CDKAL1: variants seen among roughly 807,000 people sequenced by gnomAD.
The protein encoded by CDKAL1 is CDKAL1 threonylcarbamoyladenosine tRNA methylthiotransferase, also known as threonylcarbamoyladenosine tRNA methylthiotransferase.
CDKAL1 carries 32 observed loss-of-function variants against 68.2 expected under a neutral mutation model. The observed-to-expected ratio is 0.47, with a 90% CI of 0.35 to 0.63. CDKAL1 has a LOEUF of 0.63. CDKAL1 is among the 30% of genes least tolerant of loss of function. The pLI, the probability that CDKAL1 is intolerant of heterozygous loss-of-function variation, is 0.00. For missense variants in CDKAL1, 606 were observed against 696.7 expected, an observed-to-expected ratio of 0.87 and a Z score of 1.47; for synonymous variants, 234 against 244.3, an observed-to-expected ratio of 0.96 and a Z score of 0.39.
chr6:20,762,970 T>G (rs959977400), intron 7 of CDKAL1, among the ~76,000 whole-genome samples: 1 of 152,188 alleles, frequency 6.6e-6, no homozygotes, highest in African/African-American at 2.4e-5. Context: ...CAGCCAACTG[T>G]GCTGCTTGAT....
chr6:20,934,217 G>A (rs543772611), intron 9 of CDKAL1, among the ~76,000 whole-genome samples: 1 of 152,198 alleles, frequency 6.6e-6, no homozygotes, highest in South Asian at 2.1e-4. Context: ...GGACTAGAGT[G>A]GATTTCATCT....
intron 8 of CDKAL1, among the ~76,000 whole-genome samples, chr6:20,812,090 T>C (rs1424785047): frequency 2.6e-5 from 4 of 152,202 alleles, no homozygotes; most frequent in Non-Finnish European, 4.4e-5. Context: ...CTTCATGTTT[T>C]AGTTGGAATT....
intron 9 of CDKAL1, among the ~76,000 whole-genome samples, chr6:20,951,885 G>A (rs1764540525): frequency 6.6e-6 from 1 of 151,712 alleles, no homozygotes; most frequent in African/African-American, 2.4e-5. Context: ...TATTTTTACA[G>A]GCATGGAAGT....
At chr6:20,898,614 G>A (rs528682250) in intron 9 of CDKAL1, among the ~76,000 whole-genome samples, 21 of 151,814 alleles carry the variant, frequency 1.4e-4, no homozygotes, top group Non-Finnish European at 2.2e-4. Context: ...ATGGAAACCC[G>A]GTCCCTCCTT....
chr6:20,614,573 C>G (rs1766798004), intron 4 of CDKAL1, among the ~76,000 whole-genome samples: 1 of 152,132 alleles, frequency 6.6e-6, no homozygotes, highest in South Asian at 2.1e-4. Context: ...TGAAAAAGTT[C>G]AAACGTACCC....
intron 9 of CDKAL1, among the ~76,000 whole-genome samples, chr6:20,885,293 A>G (rs572128767): frequency 4.9e-4 from 75 of 152,356 alleles, no homozygotes; most frequent in African/African-American, 1.7e-3. Context: ...ATGGTAATCA[A>G]ACCACCATGG....
At chr6:20,890,747 G>T (rs900683677) in intron 9 of CDKAL1, among the ~76,000 whole-genome samples, 2 of 152,094 alleles carry the variant, frequency 1.3e-5, no homozygotes, top group Non-Finnish European at 2.9e-5. Flanking sequence ...TGCATCAGGC[G>T]ATTTGCATCA....
intron 9 of CDKAL1, among the ~76,000 whole-genome samples, chr6:20,924,318 A>G (rs542453520): frequency 6.6e-6 from 1 of 150,978 alleles, no homozygotes; most frequent in East Asian, 2.0e-4. Flanking sequence ...GTGAGCTGAG[A>G]TCACACCACT....
chr6:20,838,242 CCTA>C (rs1364597638), intron 8 of CDKAL1, among the ~76,000 whole-genome samples: 1 of 151,864 alleles, frequency 6.6e-6, no homozygotes, highest in Non-Finnish European at 1.5e-5. Flanking sequence ...AATAAAATCT[CCTA>C]CTATGGTAGG....
chr6:20,704,515 G>A (rs1771512704), intron 5 of CDKAL1, among the ~76,000 whole-genome samples: 2 of 152,184 alleles, frequency 1.3e-5, no homozygotes, highest in African/African-American at 2.4e-5. Context: ...TCAAGAAACA[G>A]CAAGGAGAGG....
At chr6:20,950,657 G>A (rs1165108102) in intron 9 of CDKAL1, among the ~76,000 whole-genome samples, 1 of 152,080 alleles carries the variant, frequency 6.6e-6, no homozygotes, top group African/African-American at 2.4e-5. Flanking sequence ...ACAAAGGATA[G>A]GAATGGAGAA....
intron 9 of CDKAL1, among the ~76,000 whole-genome samples, chr6:20,953,894 C>T (rs1764656447): frequency 6.6e-6 from 1 of 152,140 alleles, no homozygotes; most frequent in African/African-American, 2.4e-5. Flanking sequence ...ATATCTTCAG[C>T]TTTTAAAATG....
intron 13 of CDKAL1, among the ~76,000 whole-genome samples, chr6:21,111,834 T>A (rs1774133712): frequency 6.6e-6 from 1 of 152,224 alleles, no homozygotes; most frequent in Non-Finnish European, 1.5e-5. Context: ...ACAAAAGGGC[T>A]TGACAAAAGT....
chr6:20,812,084 A>G (rs1776844571), intron 8 of CDKAL1, among the ~76,000 whole-genome samples: 1 of 152,108 alleles, frequency 6.6e-6, no homozygotes, highest in African/African-American at 2.4e-5. Context: ...TTGCTTCTTC[A>G]TGTTTTAGTT....
rs564277131 is a variant in CDKAL1, at chr6:20,796,622, G to A, written c.638+15357G>A. On this transcript the variant is annotated intron_variant, in intron 8 of 15. Transcript: ENST00000274695. ...GCAGCAATCAAGAGGTGTGGTAGTG[G>A]TGAAGGGATAGACACATTAAATCAC... is the stretch of plus-strand genomic sequence containing the variant. 1.1e-3 allele frequency among the ~76,000 whole-genome samples: 165 copies of A among 152,306 alleles called. 1 individual carries two copies. Among genetic ancestry groups the A allele is most frequent in the Admixed American group, 3.1e-3 (48 of 15,292 alleles).
intron 4 of CDKAL1, among the ~76,000 whole-genome samples, chr6:20,557,710 T>C (rs921171464): frequency 6.6e-6 from 1 of 152,208 alleles, no homozygotes; most frequent in Non-Finnish European, 1.5e-5. Flanking sequence ...GAGGATCGCC[T>C]GAGGTCAGGA....
intron 10 of CDKAL1, among the ~76,000 whole-genome samples, chr6:20,999,945 C>G (rs557158691): frequency 1.3e-5 from 2 of 152,166 alleles, no homozygotes; most frequent in South Asian, 2.1e-4. Context: ...CCTGAAAAAT[C>G]TTTTTACTCT....
At chr6:21,004,577 T>G (rs967382409) in intron 11 of CDKAL1, among the ~76,000 whole-genome samples, 1 of 152,202 alleles carries the variant, frequency 6.6e-6, no homozygotes, top group Non-Finnish European at 1.5e-5. Flanking sequence ...TCTAAATGGA[T>G]AAGATGATTT....
intron 13 of CDKAL1, among the ~76,000 whole-genome samples, chr6:21,158,006 T>A (rs1048226984): frequency 6.6e-6 from 1 of 152,238 alleles, no homozygotes; most frequent in Non-Finnish European, 1.5e-5. Context: ...TTTTAAAGAT[T>A]CTTCACATGC....
Sources: gnomAD v4.1 joint callset for allele counts (sites outside exome capture counted in the v4.1 genomes callset) on GRCh38, gnomAD v4.1.1 for gene constraint, MANE v1.5 for transcripts, NCBI Gene and HGNC (gene_info 2026-07-23, HGNC 2026-07-21) for gene names.